The following TAX1BP1 variants were observed in gnomAD, a reference collection of about 807,000 sequenced individuals.
The protein encoded by TAX1BP1 is Tax1 binding protein 1.
Under a neutral mutation model 97.7 loss-of-function variants are expected in TAX1BP1, and 62 were observed. The observed-to-expected ratio is 0.63, with a 90% CI of 0.52 to 0.78. The LOEUF (loss-of-function observed/expected upper bound fraction) is 0.78, where lower values mean the gene tolerates loss of function less well. TAX1BP1 is among the 30% of genes least tolerant of loss of function. The pLI is 0.00. For missense variants in TAX1BP1, 867 were observed against 916.1 expected, an observed-to-expected ratio of 0.95 and a Z score of 0.69; for synonymous variants, 340 against 304.2, an observed-to-expected ratio of 1.12 and a Z score of -1.23.
Position 27,820,071 on chromosome 7 carries a change from C to T in TAX1BP1, c.2085+3033C>T, listed in dbSNP as rs182656432. ...GCATTTAACAAAATCTTTAGGTGAT[C>T]ATATGATTTTTAACATTTGGGATAC... On this transcript the variant is annotated intron_variant, in intron 15 of 16. Transcript: ENST00000396319. Among the ~76,000 whole-genome samples the T allele has an allele frequency of 5.9e-5, 9 of 152,286 alleles. No individual in the cohort carries two copies. In the East Asian group the frequency reaches 1.7e-3, roughly 29 times the overall value.
chr7:27,791,799 G>A (rs1789719250), intron 8 of TAX1BP1, among the ~76,000 whole-genome samples: 1 of 152,156 alleles, frequency 6.6e-6, no homozygotes, highest in Non-Finnish European at 1.5e-5. Flanking sequence ...AGTAGTAGCA[G>A]TGAAACCAAG....
At position 27,792,044 on chromosome 7, in the gene TAX1BP1, A is replaced by G. The variant is rs780921958; in HGVS notation, c.1077A>G (p.Ala359=). The change falls in exon 9 of 17, where the codon GCA becomes GCG. Residue 359 remains alanine (A), a synonymous_variant. Transcript: ENST00000396319. ...TTTTAAAGGAGCAACTTCGTAAAGC[A>G]GAGGAACAGGTTCAGGCAACTCGGC... ...TCFLKEQLRK[A]EEQVQATRQE... is the part of the protein sequence containing the mutation. The G allele has an allele frequency of 1.2e-6, 2 of 1,614,152 alleles. No individual in the cohort carries two copies. Among genetic ancestry groups the G allele is most frequent in the South Asian group, 1.1e-5 (1 of 91,086 alleles).
chr7:27,797,563 GTAATT>G (rs1789984801), intron 12 of TAX1BP1, among the ~76,000 whole-genome samples: 2 of 151,716 alleles, frequency 1.3e-5, no homozygotes, highest in South Asian at 4.1e-4. Flanking sequence ...TCATGTTACT[GTAATT>G]TAATTTACAG....
At chr7:27,747,990 A>G (rs985497092) in intron 1 of TAX1BP1, among the ~76,000 whole-genome samples, 5 of 151,932 alleles carry the variant, frequency 3.3e-5, no homozygotes, top group Non-Finnish European at 7.4e-5. Flanking sequence ...TAGTTATAGG[A>G]CCCCAAAACC....
intron 13 of TAX1BP1, among the ~76,000 whole-genome samples, chr7:27,802,427 T>A (rs1790176764): frequency 6.6e-6 from 1 of 152,152 alleles, no homozygotes; most frequent in African/African-American, 2.4e-5. Flanking sequence ...AAAGACATCT[T>A]TAGGGAAGAA....
intron 13 of TAX1BP1, among the ~76,000 whole-genome samples, chr7:27,815,760 G>A (rs1404357075): frequency 6.6e-6 from 1 of 152,134 alleles, no homozygotes; most frequent in Non-Finnish European, 1.5e-5. Context: ...TTTTGGCCGG[G>A]TGCAGTGGCT....
chr7:27,806,542 A>G (rs1233594948), intron 13 of TAX1BP1, among the ~76,000 whole-genome samples: 1 of 152,196 alleles, frequency 6.6e-6, no homozygotes, highest in Non-Finnish European at 1.5e-5. Flanking sequence ...GAGATACTAC[A>G]TTTATTGTAT....
At chr7:27,759,016 A>C (rs1788330182) in intron 3 of TAX1BP1, among the ~76,000 whole-genome samples, 1 of 152,116 alleles carries the variant, frequency 6.6e-6, no homozygotes, top group East Asian at 1.9e-4. Flanking sequence ...ACTTATTCAG[A>C]GATCTATCAC....
Position 27,753,004 on chromosome 7 carries a change from C to T in TAX1BP1, c.162+4318C>T, listed in dbSNP as rs189862227. ...TAAAATTACAGGGAAAGATTTAGAA[C>T]TGCACCTGATGCAGGCTGGGCACAG... is the stretch of plus-strand genomic sequence containing the variant. On this transcript the variant is annotated intron_variant, in intron 2 of 16. Transcript: ENST00000396319. Among the ~76,000 whole-genome samples the T allele has an allele frequency of 3.3e-5, 5 of 152,284 alleles. No individual in the cohort carries two copies. The East Asian group carries it at 9.7e-4, about 29-fold the overall frequency.
At chr7:27,807,858 TTGTA>T (rs1790401239) in intron 13 of TAX1BP1, among the ~76,000 whole-genome samples, 1 of 152,194 alleles carries the variant, frequency 6.6e-6, no homozygotes, top group African/African-American at 2.4e-5. Flanking sequence ...ATATTTATCA[TTGTA>T]GACTCATGGA....
chr7:27,752,159 A>G (rs1047254378), intron 2 of TAX1BP1, among the ~76,000 whole-genome samples: 1 of 150,792 alleles, frequency 6.6e-6, no homozygotes, highest in Non-Finnish European at 1.5e-5. Context: ...TCTATGTGAG[A>G]TAATGAAAGC....
chr7:27,795,974 TAGG>T, intron 11 of TAX1BP1, 139 bp from the exon 12 acceptor site: 1 of 600,798 alleles, frequency 1.7e-6, no homozygotes. Flanking sequence ...TTTGTATATC[TAGG>T]ATATGAATAG....
At chr7:27,775,615 C>A (rs1221588502) in intron 5 of TAX1BP1, among the ~76,000 whole-genome samples, 1 of 152,090 alleles carries the variant, frequency 6.6e-6, no homozygotes, top group Non-Finnish European at 1.5e-5. Flanking sequence ...GAAGCAGCAG[C>A]CATTTTTGTA....
chr7:27,790,909 ATTTG>A (rs540005021), intron 8 of TAX1BP1, among the ~76,000 whole-genome samples: 161 of 152,072 alleles, frequency 1.1e-3, no homozygotes, highest in African/African-American at 3.7e-3. Context: ...GTTTTAACTT[ATTTG>A]TTTGATTGTT....
At chr7:27,745,061 G>C (rs1361667443) in intron 1 of TAX1BP1, among the ~76,000 whole-genome samples, 2 of 152,136 alleles carry the variant, frequency 1.3e-5, no homozygotes, top group Non-Finnish European at 2.9e-5. Flanking sequence ...TTGTTGACTG[G>C]ACGTTTCATA....
intron 11 of TAX1BP1, 135 bp from the exon 12 acceptor site, chr7:27,795,981 T>TA: frequency 4.8e-6 from 3 of 622,778 alleles, no homozygotes; most frequent in Non-Finnish European, 8.4e-6. Flanking sequence ...ATCTAGGATA[T>TA]GAATAGATAT....
chr7:27,780,767 T>C (rs771606194), intron 5 of TAX1BP1, among the ~76,000 whole-genome samples: 14 of 152,184 alleles, frequency 9.2e-5, no homozygotes, highest in Non-Finnish European at 1.8e-4. Context: ...CCAATTACTT[T>C]AATTTTGTAC....
At chr7:27,760,103 C>T (rs1278590606) in intron 3 of TAX1BP1, among the ~76,000 whole-genome samples, 1 of 152,100 alleles carries the variant, frequency 6.6e-6, no homozygotes, top group South Asian at 2.1e-4. Context: ...ATCCACCCGC[C>T]TCGGCCTCCC....
intron 5 of TAX1BP1, 131 bp downstream of exon 5, chr7:27,769,965 A>G: frequency 1.3e-6 from 1 of 777,072 alleles, no homozygotes; most frequent in Non-Finnish European, 2.1e-6. Context: ...ATAGACGTTT[A>G]TACAAGAACA....
Sources: allele counts gnomAD v4.1 joint callset (sites outside exome capture counted in the v4.1 genomes callset), GRCh38; gene constraint gnomAD v4.1.1; transcripts MANE v1.5; gene names NCBI Gene and HGNC (gene_info 2026-07-23, HGNC 2026-07-21).